The following LIMA1 variants were observed in gnomAD, a reference collection of about 807,000 sequenced individuals.
The protein encoded by LIMA1 is LIM domain and actin binding 1.
In LIMA1, 52 loss-of-function variants were observed where a neutral mutation model predicts 62.6. The observed-to-expected ratio is 0.83, with a 90% CI of 0.67 to 1.05. The LOEUF (loss-of-function observed/expected upper bound fraction) is 1.05. Ranked by LOEUF, LIMA1 falls within the 50% of genes least tolerant of loss-of-function variation. The probability of loss-of-function intolerance (pLI) is 0.00; values close to 1 mark genes in which losing one functional copy is unlikely to be tolerated. For synonymous variants in LIMA1, 302 were observed against 317.8 expected (o/e 0.95, Z 0.53); for missense variants, 780 against 902.2 (o/e 0.86, Z 1.74).
At chr12:50,208,401 G>A (rs1405526919) in intron 4 of LIMA1, among the ~76,000 whole-genome samples, 16 of 152,276 alleles carry the variant, frequency 1.1e-4, no homozygotes, top group African/African-American at 2.6e-4. Flanking sequence ...CAGGAGAATC[G>A]CTTGAACCCA....
Position 50,203,474 on chromosome 12 carries a change from C to T in LIMA1, c.864+1078G>A, listed in dbSNP as rs534371857. On this transcript the variant is annotated intron_variant, in intron 6 of 10. Transcript: ENST00000341247. ...TGTCGCCCAGGCTGGAGTGTAGTGG[C>T]GCAATCTTGCCTCACTGCAACCTCT... Among the ~76,000 whole-genome samples, 160 of 150,550 alleles carry T rather than the reference C, an allele frequency of 1.1e-3. 1 individual carries two copies. Among genetic ancestry groups the T allele is most frequent in the African/African-American group, 3.6e-3 (146 of 40,966 alleles).
intron 1 of LIMA1, among the ~76,000 whole-genome samples, chr12:50,274,798 GA>G (rs1942256889): frequency 6.6e-6 from 1 of 152,084 alleles, no homozygotes; most frequent in African/African-American, 2.4e-5. Context: ...GAATGATGGG[GA>G]GAACATATGC....
intron 2 of LIMA1, among the ~76,000 whole-genome samples, chr12:50,233,051 C>G (rs140661938): frequency 1.9e-3 from 293 of 152,304 alleles, no homozygotes; most frequent in African/African-American, 6.7e-3. Flanking sequence ...TCAACTCTAT[C>G]AGAAGAAGCT....
At position 50,261,092 on chromosome 12, in the gene LIMA1, G is replaced by A. The variant is rs1186943441; in HGVS notation, c.-23-12318C>T. 2.6e-4 allele frequency among the ~76,000 whole-genome samples: 30 copies of A among 114,808 alleles called. No individual in the cohort carries two copies. In the South Asian group the frequency reaches 7.8e-3, roughly 30 times the overall value. The allele number at this position is 114,808 out of a possible 152,430, so 75.3% of individuals were successfully genotyped here. A position where few individuals can be genotyped will look rare whatever the true frequency, so the allele number is the denominator to read the frequency against. On this transcript the variant is annotated intron_variant, in intron 1 of 10. Coordinates refer to ENST00000341247, the MANE Select transcript of LIMA1 (RefSeq NM_016357.5). ...TTTTGAGATGGAGTCTCGCTCTGTC[G>A]CCCAGGCTGGAGGGCAGTGGCGTGA...
chr12:50,244,121 CAG>C (rs1941815295), intron 2 of LIMA1, among the ~76,000 whole-genome samples: 1 of 151,646 alleles, frequency 6.6e-6, no homozygotes, highest in African/African-American at 2.4e-5. Context: ...TTTTTTGAGA[CAG>C]AGTCTCGCTC....
intron 5 of LIMA1, among the ~76,000 whole-genome samples, chr12:50,205,574 C>A (rs1272702998): frequency 6.6e-6 from 1 of 151,694 alleles, no homozygotes; most frequent in Non-Finnish European, 1.5e-5. Flanking sequence ...ACAGGGTAAC[C>A]AAACCTGATA....
intron 9 of LIMA1, among the ~76,000 whole-genome samples, chr12:50,185,216 A>G (rs1017554255): frequency 2.6e-5 from 4 of 152,156 alleles, no homozygotes; most frequent in African/African-American, 4.8e-5. Flanking sequence ...GGAGACAGAA[A>G]CTTCACATGG....
chr12:50,234,902 C>T (rs1199363405), intron 2 of LIMA1, among the ~76,000 whole-genome samples: 5 of 151,800 alleles, frequency 3.3e-5, no homozygotes, highest in Non-Finnish European at 5.9e-5. Context: ...TCCCAGCTAC[C>T]GGGGAGGCTG....
intron 1 of LIMA1, among the ~76,000 whole-genome samples, chr12:50,255,930 C>T (rs1941991133): frequency 1.3e-5 from 2 of 151,908 alleles, no homozygotes; most frequent in Admixed American, 1.3e-4. Flanking sequence ...CACTCTGTCG[C>T]CCAGGCTAGA....
At chr12:50,180,174 C>A (rs747523914) in intron 10 of LIMA1, among the ~76,000 whole-genome samples, 8 of 152,016 alleles carry the variant, frequency 5.3e-5, no homozygotes, top group Non-Finnish European at 8.8e-5. Context: ...GTTGCACACG[C>A]CTGTAGTCCC....
intron 1 of LIMA1, among the ~76,000 whole-genome samples, chr12:50,271,496 C>T (rs1260549224): frequency 2.6e-5 from 4 of 152,102 alleles, no homozygotes; most frequent in Non-Finnish European, 5.9e-5. Flanking sequence ...AAACATAATC[C>T]AACGAAGTGA....
At position 50,177,627 on chromosome 12, in the gene LIMA1, G is replaced by T. The variant is rs199825261; in HGVS notation, c.1717C>A (p.Leu573Ile). 4.4e-5 allele frequency: 71 copies of T among 1,609,790 alleles called. No homozygotes were observed. Among genetic ancestry groups the T allele is most frequent in the South Asian group, 1.5e-4 (14 of 90,416 alleles). The part of the protein sequence containing the change: ...SKPEVPEDVD[L>I]DLKKLRRSSS... The stretch of plus-strand genomic sequence containing the variant: ...GATCGTCTTAGCTTCTTCAGATCTA[G>T]ATCGACATCCTCAGGAACTTCGGGC... The change falls in exon 11 of 11, where the codon CTA (leucine) becomes ATA (isoleucine). Residue 573 changes from leucine to isoleucine, a missense_variant. Coordinates refer to ENST00000341247, the MANE Select transcript of LIMA1 (RefSeq NM_016357.5).
At chr12:50,243,804 T>C (rs921497024) in intron 2 of LIMA1, among the ~76,000 whole-genome samples, 59 of 152,336 alleles carry the variant, frequency 3.9e-4, no homozygotes, top group Middle Eastern at 3.4e-3. Flanking sequence ...ACTCAAATAT[T>C]AACTTCAGCA....
intron 1 of LIMA1, among the ~76,000 whole-genome samples, chr12:50,261,116 G>A (rs1290309473): frequency 7.3e-6 from 1 of 136,240 alleles, no homozygotes; most frequent in African/African-American, 2.7e-5. Context: ...GCAGTGGCGT[G>A]ATCTGGGCTC....
intron 3 of LIMA1, among the ~76,000 whole-genome samples, chr12:50,227,460 G>A (rs12317780): frequency 0.012 from 1,771 of 151,912 alleles, 44 homozygotes; most frequent in African/African-American, 0.041. Flanking sequence ...AGCTGGTCTC[G>A]AACTCCTGAC....
intron 4 of LIMA1, among the ~76,000 whole-genome samples, chr12:50,209,540 G>A (rs1296230933): frequency 2.2e-5 from 3 of 133,776 alleles, no homozygotes; most frequent in Admixed American, 8.2e-5. Context: ...TGCTCTCCAG[G>A]CTAGGTGACA....
chr12:50,217,905 CTTTT>C (rs34408114), intron 4 of LIMA1: 75 of 124,788 alleles, frequency 6.0e-4, no homozygotes, highest in South Asian at 2.8e-3. Flanking sequence ...AATTTCTTTT[CTTTT>C]TTTTTTTTTT....
intron 2 of LIMA1, among the ~76,000 whole-genome samples, chr12:50,237,245 A>G (rs1293842727): frequency 2.6e-5 from 4 of 152,230 alleles, no homozygotes; most frequent in African/African-American, 9.6e-5. Flanking sequence ...TATAATGTAT[A>G]TGTATAATGA....
chr12:50,181,691 C>T (rs982188598), intron 10 of LIMA1, among the ~76,000 whole-genome samples: 7 of 152,194 alleles, frequency 4.6e-5, no homozygotes, highest in Admixed American at 4.6e-4. Flanking sequence ...TCGGTCCTAA[C>T]ATGTAAATTA....
Sources: gnomAD v4.1 joint callset for allele counts (sites outside exome capture counted in the v4.1 genomes callset) on GRCh38, gnomAD v4.1.1 for gene constraint, MANE v1.5 for transcripts, NCBI Gene and HGNC (gene_info 2026-07-23, HGNC 2026-07-21) for gene names.